Variants in DPP10 observed in about 807,000 individuals in gnomAD.
The protein encoded by DPP10 is inactive dipeptidyl peptidase 10.
A neutral mutation model predicts 120.9 loss-of-function variants in DPP10; 33 were observed. The observed-to-expected ratio is 0.27, with a 90% CI of 0.21 to 0.37. The LOEUF is 0.37. Ranked by LOEUF, DPP10 falls within the 10% of genes least tolerant of loss-of-function variation. The probability of loss-of-function intolerance (pLI) is 1.00; values close to 1 mark genes in which losing one functional copy is unlikely to be tolerated. For synonymous variants in DPP10, 337 were observed against 326.1 expected (o/e 1.03, Z -0.36); for missense variants, 816 against 942.8 (o/e 0.87, Z 1.76).
rs1265467512 is a variant in DPP10 at position 115,183,498 on chromosome 2, A to T, written c.61-125741A>T. On this transcript the variant is annotated intron_variant, in intron 1 of 25. Transcript: ENST00000410059. The stretch of plus-strand genomic sequence containing the variant: ...CACATTTCTTGAGGGCAGGGACTGG[A>T]CTTTCTTCATTTTGAATCATCAGTG... Among the ~76,000 whole-genome samples, 4 of 152,130 alleles carry T rather than the reference A, an allele frequency of 2.6e-5. No individual in the cohort carries two copies. In the East Asian group the frequency reaches 7.7e-4, roughly 29 times the overall value.
chr2:115,819,821 CCT>C (rs1464042898), intron 21 of DPP10, among the ~76,000 whole-genome samples: 2 of 152,010 alleles, frequency 1.3e-5, no homozygotes, highest in Non-Finnish European at 2.9e-5. Context: ...TGGAGAAACC[CCT>C]GTCTCTACTA....
chr2:115,699,036 C>CAAAAAAAAAAAAAAAAAAAAAAAAAAAA (rs1191197397), intron 7 of DPP10, among the ~76,000 whole-genome samples: 1 of 50,808 alleles, frequency 2.0e-5, no homozygotes, highest in Non-Finnish European at 3.8e-5. Flanking sequence ...AAAAAAAAAA[C>CAAAAAAAAAAAAAAAAAAAAAAAAAAAA]AAAAAAAAAA....
At chr2:114,725,277 C>T (rs1184995578) in intron 1 of DPP10, among the ~76,000 whole-genome samples, 1 of 152,194 alleles carries the variant, frequency 6.6e-6, no homozygotes, top group Non-Finnish European at 1.5e-5. Flanking sequence ...CTATCCACCG[C>T]ACTACGCATA....
intron 1 of DPP10, among the ~76,000 whole-genome samples, chr2:115,102,299 G>C (rs779210951): frequency 7.2e-5 from 11 of 152,088 alleles, no homozygotes; most frequent in Non-Finnish European, 1.5e-4. Flanking sequence ...CCTCTCAAAG[G>C]CCTCACCTCC....
chr2:115,314,032 G>C (rs2061686152), intron 2 of DPP10, among the ~76,000 whole-genome samples: 1 of 152,150 alleles, frequency 6.6e-6, no homozygotes, highest in Admixed American at 6.5e-5. Context: ...TCTAGTAAAG[G>C]TATGCATCTA....
intron 3 of DPP10, among the ~76,000 whole-genome samples, chr2:115,432,963 T>C (rs952323720): frequency 1.3e-5 from 2 of 151,980 alleles, no homozygotes; most frequent in Admixed American, 6.6e-5. Context: ...CTTCATGATA[T>C]AGTGATCCAA....
chr2:115,333,437 T>C (rs961091514), intron 2 of DPP10, among the ~76,000 whole-genome samples: 20 of 152,148 alleles, frequency 1.3e-4, no homozygotes, highest in Non-Finnish European at 2.4e-4. Flanking sequence ...AAGGTTAATA[T>C]TGTTATGTGT....
intron 1 of DPP10, among the ~76,000 whole-genome samples, chr2:115,299,935 T>C (rs538683373): frequency 2.9e-4 from 44 of 152,206 alleles, no homozygotes; most frequent in African/African-American, 9.9e-4. Flanking sequence ...CTTTACCACA[T>C]TGAATTTTCC....
At chr2:114,543,918 C>T in intron 1 of DPP10, among the ~76,000 whole-genome samples, 1 of 151,362 alleles carries the variant, frequency 6.6e-6, no homozygotes, top group South Asian at 2.1e-4. Flanking sequence ...GTTTGTTTAG[C>T]CTCATTCATG....
chr2:115,478,868 C>T (rs2075254506), intron 3 of DPP10, among the ~76,000 whole-genome samples: 1 of 152,144 alleles, frequency 6.6e-6, no homozygotes, highest in African/African-American at 2.4e-5. Flanking sequence ...ATCACATTCA[C>T]TATGATGCAT....
intron 1 of DPP10, among the ~76,000 whole-genome samples, chr2:115,140,673 C>A (rs2050881094): frequency 6.6e-6 from 1 of 152,046 alleles, no homozygotes; most frequent in East Asian, 1.9e-4. Context: ...AAATCAGTGC[C>A]TATTCTGATG....
At chr2:115,606,840 C>A (rs1254966799) in intron 5 of DPP10, among the ~76,000 whole-genome samples, 1 of 152,128 alleles carries the variant, frequency 6.6e-6, no homozygotes, top group African/African-American at 2.4e-5. Context: ...TTACCCATAA[C>A]AATCTTTGTC....
chr2:115,411,123 G>C (rs2068923691), intron 3 of DPP10, among the ~76,000 whole-genome samples: 1 of 152,064 alleles, frequency 6.6e-6, no homozygotes, highest in African/African-American at 2.4e-5. Context: ...ATGAGATCAG[G>C]GGTTCGAGAC....
At chr2:115,113,502 T>C (rs2049339209) in intron 1 of DPP10, among the ~76,000 whole-genome samples, 1 of 152,120 alleles carries the variant, frequency 6.6e-6, no homozygotes, top group African/African-American at 2.4e-5. Context: ...ACACTTCTAA[T>C]CTGATTAGTG....
chr2:115,389,461 A>G (rs870925), intron 3 of DPP10, among the ~76,000 whole-genome samples: 74,163 of 151,970 alleles, frequency 0.49, 18,675 homozygotes, highest in Non-Finnish European at 0.56. Flanking sequence ...AGAAGGAATC[A>G]TTGCTATTTT....
intron 1 of DPP10, among the ~76,000 whole-genome samples, chr2:114,539,119 G>T (rs528031411): frequency 2.0e-5 from 3 of 149,084 alleles, no homozygotes. Flanking sequence ...AATAAAAATT[G>T]TATTTTATAT....
intron 1 of DPP10, among the ~76,000 whole-genome samples, chr2:114,546,148 G>A (rs1179627997): frequency 6.6e-6 from 1 of 151,738 alleles, no homozygotes; most frequent in African/African-American, 2.4e-5. Flanking sequence ...AAATACCTGA[G>A]ACTGAGTAAC....
intron 5 of DPP10, among the ~76,000 whole-genome samples, chr2:115,531,151 T>G (rs934092334): frequency 2.0e-5 from 3 of 151,702 alleles, no homozygotes; most frequent in Non-Finnish European, 4.4e-5. Context: ...AGATTGAGTT[T>G]TTTTTTTTTT....
intron 1 of DPP10, among the ~76,000 whole-genome samples, chr2:115,082,930 A>T (rs1708393927): frequency 6.6e-6 from 1 of 152,228 alleles, no homozygotes; most frequent in Non-Finnish European, 1.5e-5. Flanking sequence ...ATATTACTTT[A>T]TTTAAATTGT....
Sources: gnomAD v4.1 joint callset for allele counts (sites outside exome capture counted in the v4.1 genomes callset) on GRCh38, gnomAD v4.1.1 for gene constraint, MANE v1.5 for transcripts, NCBI Gene and HGNC (gene_info 2026-07-23, HGNC 2026-07-21) for gene names.